Variants in MAP2 observed in about 807,000 individuals in gnomAD.
MAP2 encodes microtubule-associated protein 2.
In MAP2, 14 loss-of-function variants were observed where a neutral mutation model predicts 137.6. That is an observed-to-expected ratio of 0.10 (90% CI 0.07 to 0.16). The LOEUF (loss-of-function observed/expected upper bound fraction) is 0.16. Ranked by LOEUF, MAP2 falls within the 10% of genes least tolerant of loss-of-function variation. MAP2 has a pLI of 1.00. For missense variants in MAP2, 2,088 were observed against 2,191.5 expected (o/e 0.95, Z 0.94); for synonymous variants, 786 against 782.3 (o/e 1.00, Z -0.08).
chr2:209,456,366 A>T (rs1440550482), intron 1 of MAP2, among the ~76,000 whole-genome samples: 1 of 152,190 alleles, frequency 6.6e-6, no homozygotes, highest in Non-Finnish European at 1.5e-5. Context: ...GGCCCAGTGA[A>T]TGAAGGAGCC....
At chr2:209,527,711 T>G (rs1396650659) in intron 2 of MAP2, among the ~76,000 whole-genome samples, 1 of 152,184 alleles carries the variant, frequency 6.6e-6, no homozygotes, top group Non-Finnish European at 1.5e-5. Flanking sequence ...ACAGTGGTTC[T>G]CAGAGTGTCC....
At chr2:209,600,240 G>T (rs1189988639) in intron 3 of MAP2, among the ~76,000 whole-genome samples, 1 of 152,118 alleles carries the variant, frequency 6.6e-6, no homozygotes, top group African/African-American at 2.4e-5. Context: ...GATGATAGAT[G>T]GAACTGTATA....
intron 3 of MAP2, among the ~76,000 whole-genome samples, chr2:209,604,961 A>G (rs1458477023): frequency 6.6e-6 from 1 of 152,152 alleles, no homozygotes; most frequent in Non-Finnish European, 1.5e-5. Context: ...GTTATGGTAT[A>G]TTATATGTAA....
rs181755878 is a variant in MAP2, at chr2:209,478,388, C to T, written c.-221-29204C>T. On this transcript the variant is annotated intron_variant, in intron 1 of 15. Coordinates refer to ENST00000682079, the MANE Select transcript of MAP2 (RefSeq NM_001375505.1). Reference sequence around the variant, plus strand: ...TAAAAACTATGTGAGTTAACGCATCCAAAGAATTCCCAGCATAGAGCAGCA... The same window carrying T: ...TAAAAACTATGTGAGTTAACGCATCTAAAGAATTCCCAGCATAGAGCAGCA... Among the ~76,000 whole-genome samples, 9 of 152,224 alleles carry T rather than the reference C, an allele frequency of 5.9e-5. No individual in the cohort carries two copies. The East Asian group carries it at 1.7e-3, about 29-fold the overall frequency.
At chr2:209,435,710 G>A (rs1435446799) in intron 1 of MAP2, among the ~76,000 whole-genome samples, 1 of 151,302 alleles carries the variant, frequency 6.6e-6, no homozygotes, top group African/African-American at 2.4e-5. Context: ...GTAGCATAGA[G>A]ACATCAAACT....
chr2:209,521,738 G>A (rs879825160), intron 2 of MAP2, among the ~76,000 whole-genome samples: 3 of 151,802 alleles, frequency 2.0e-5, no homozygotes, highest in Non-Finnish European at 4.4e-5. Flanking sequence ...CAGGAGATTG[G>A]GATTTTGTGA....
intron 12 of MAP2, among the ~76,000 whole-genome samples, chr2:209,708,023 G>A (rs1441637332): frequency 6.6e-6 from 1 of 152,160 alleles, no homozygotes; most frequent in African/African-American, 2.4e-5. Flanking sequence ...TCACATGAAA[G>A]TCACCAGGGC....
chr2:209,729,589 G>T lies in MAP2; in HGVS notation c.5156-261G>T, dbSNP rs1265357604. Among the ~76,000 whole-genome samples the T allele has an allele frequency of 3.3e-5, 5 of 152,212 alleles. No individual in the cohort carries two copies. The East Asian group carries it at 9.7e-4, about 29-fold the overall frequency. On this transcript the variant is annotated intron_variant, in intron 14 of 15. Coordinates refer to ENST00000682079, the MANE Select transcript of MAP2 (RefSeq NM_001375505.1). ...AAGAAAAGCCCCTCTGATTTCTTAG[G>T]TTAGACATGGGTAAAGGAGAAAGGT...
At chr2:209,500,793 C>T (rs994362705) in intron 1 of MAP2, among the ~76,000 whole-genome samples, 2 of 152,064 alleles carry the variant, frequency 1.3e-5, no homozygotes, top group African/African-American at 4.8e-5. Context: ...CCTATAATCT[C>T]AGCAATTTCA....
intron 1 of MAP2, among the ~76,000 whole-genome samples, chr2:209,499,148 G>T (rs1370983091): frequency 6.6e-6 from 1 of 152,084 alleles, no homozygotes; most frequent in African/African-American, 2.4e-5. Flanking sequence ...ATTAGAAACA[G>T]CCAGGCCTCC....
chr2:209,453,641 A>G (rs575023125), intron 1 of MAP2, among the ~76,000 whole-genome samples: 2 of 152,320 alleles, frequency 1.3e-5, no homozygotes, highest in South Asian at 2.1e-4. Flanking sequence ...AAATAAAAAG[A>G]TTACATAATA....
intron 2 of MAP2, among the ~76,000 whole-genome samples, chr2:209,523,326 T>C (rs2063549505): frequency 6.6e-6 from 1 of 152,178 alleles, no homozygotes; most frequent in Non-Finnish European, 1.5e-5. Context: ...GTCATTACTG[T>C]CTTTCTGGAA....
intron 5 of MAP2, among the ~76,000 whole-genome samples, chr2:209,660,627 C>T (rs2043044766): frequency 6.7e-6 from 1 of 148,560 alleles, no homozygotes; most frequent in Non-Finnish European, 1.5e-5. Context: ...TATCTCCTGA[C>T]CTCGTGATCC....
At chr2:209,509,512 T>C (rs13027122) in intron 2 of MAP2, among the ~76,000 whole-genome samples, 8,913 of 152,030 alleles carry the variant, frequency 0.059, 304 homozygotes, top group South Asian at 0.092. Context: ...TATCTGGAAA[T>C]GAAAATAATA....
intron 5 of MAP2, among the ~76,000 whole-genome samples, chr2:209,672,662 A>T (rs911818531): frequency 3.9e-5 from 6 of 152,022 alleles, no homozygotes; most frequent in African/African-American, 1.2e-4. Context: ...AACAATGTCT[A>T]AATGGGACAA....
At chr2:209,631,021 AAAAAAAAAAAAAAAG>A (rs1327554793) in intron 4 of MAP2, among the ~76,000 whole-genome samples, 1 of 140,580 alleles carries the variant, frequency 7.1e-6, no homozygotes, top group South Asian at 2.3e-4. Context: ...AAAAAAAAAA[AAAAAAAAAAAAAAAG>A]AGAGAGAGAG....
intron 4 of MAP2, among the ~76,000 whole-genome samples, chr2:209,647,610 G>A (rs2094497920): frequency 6.6e-6 from 1 of 152,018 alleles, no homozygotes; most frequent in African/African-American, 2.4e-5. Context: ...TCTTAGTTTG[G>A]CTCACATCAT....
At chr2:209,507,060 A>G (rs1395604042) in intron 1 of MAP2, among the ~76,000 whole-genome samples, 2 of 152,032 alleles carry the variant, frequency 1.3e-5, no homozygotes, top group African/African-American at 2.4e-5. Context: ...GGCACAGTCC[A>G]CTTTTTATAT....
intron 2 of MAP2, among the ~76,000 whole-genome samples, chr2:209,517,621 G>A (rs945242849): frequency 2.6e-5 from 4 of 151,878 alleles, no homozygotes; most frequent in African/African-American, 7.2e-5. Flanking sequence ...TTTTTGATAC[G>A]TATCTCTTTA....
Sources: allele counts gnomAD v4.1 joint callset (sites outside exome capture counted in the v4.1 genomes callset), GRCh38; gene constraint gnomAD v4.1.1; transcripts MANE v1.5; gene names NCBI Gene and HGNC (gene_info 2026-07-23, HGNC 2026-07-21).